GTF2IRD1: variants seen among roughly 807,000 people sequenced by gnomAD.
GTF2IRD1 encodes the protein GTF2I repeat domain containing 1.
GTF2IRD1 carries 26 observed loss-of-function variants against 113.2 expected under a neutral mutation model. That is an observed-to-expected ratio of 0.23 (90% CI 0.17 to 0.32). GTF2IRD1 has a LOEUF of 0.32. GTF2IRD1 is among the 10% of genes least tolerant of loss of function. The pLI, the probability that GTF2IRD1 is intolerant of heterozygous loss-of-function variation, is 1.00. For missense variants in GTF2IRD1, 864 were observed against 1,280.8 expected (o/e 0.67, Z 4.97); for synonymous variants, 484 against 529.1 (o/e 0.91, Z 1.17).
In GTF2IRD1 at chr7:74,602,135, G is replaced by T. The variant is rs192467078; in HGVS notation, c.2767-230G>T. 3.6e-4 allele frequency: 128 copies of T among 356,704 alleles called. 1 individual carries two copies. Among genetic ancestry groups the T allele is most frequent in the African/African-American group, 2.5e-3 (120 of 47,700 alleles). 22.1% of individuals were successfully genotyped at this position (356,704 alleles called of 1,614,324 possible). On this transcript the variant is annotated intron_variant, in intron 26 of 26. Transcript: ENST00000424337. ...CGGGCGCCTATAATCCCAGCTACTC[G>T]GGAGGCTGAGGCAGGAGACTCGCTT...
chr7:74,519,247 G>A lies in GTF2IRD1; in HGVS notation c.606-162G>A, dbSNP rs371945828. 3.9e-5 allele frequency among the ~76,000 whole-genome samples: 6 copies of A among 152,316 alleles called. No homozygotes were observed. The East Asian group carries it at 5.8e-4, about 15-fold the overall frequency. ...CTGGGCACACCATTCCCACCTCCGA[G>A]CCTGCATCCCCACTTGTGAAGTGGA... is the stretch of plus-strand genomic sequence containing the variant. On this transcript the variant is annotated intron_variant, in intron 5 of 26. Coordinates refer to ENST00000424337, the MANE Select transcript of GTF2IRD1 (RefSeq NM_005685.4).
intron 22 of GTF2IRD1, among the ~76,000 whole-genome samples, chr7:74,584,524 G>C (rs1237951482): frequency 2.0e-5 from 3 of 152,160 alleles, no homozygotes; most frequent in Non-Finnish European, 4.4e-5. Flanking sequence ...TTTTACATAA[G>C]ATAAAGTAAA....
intron 10 of GTF2IRD1, 120 bp downstream of exon 10, chr7:74,535,258 C>T: frequency 2.5e-6 from 2 of 794,798 alleles, no homozygotes; most frequent in South Asian, 2.8e-5. Context: ...GGGAGGGAGG[C>T]TGGGCTGTGG....
intron 1 of GTF2IRD1, among the ~76,000 whole-genome samples, chr7:74,471,797 T>G (rs782022065): frequency 7.4e-5 from 11 of 149,202 alleles, no homozygotes; most frequent in Non-Finnish European, 1.2e-4. Context: ...ATTGAGACCA[T>G]CCTGGCCAAT....
intron 1 of GTF2IRD1, among the ~76,000 whole-genome samples, chr7:74,479,391 G>A (rs1425647164): frequency 6.0e-5 from 6 of 99,952 alleles, no homozygotes; most frequent in East Asian, 3.3e-4. Context: ...GCTCAGGCCC[G>A]ACCAGGACAC....
At chr7:74,567,104 C>G (rs1461124318) in intron 22 of GTF2IRD1, among the ~76,000 whole-genome samples, 1 of 151,890 alleles carries the variant, frequency 6.6e-6, no homozygotes, top group Non-Finnish European at 1.5e-5. Flanking sequence ...CTGAGGCAGG[C>G]GGATCACAAG....
chr7:74,554,433 G>C lies in GTF2IRD1; in HGVS notation c.1917-741G>C, dbSNP rs587723438. 2.6e-5 allele frequency among the ~76,000 whole-genome samples: 4 copies of C among 152,300 alleles called. No individual in the cohort carries two copies. The South Asian group carries it at 6.2e-4, about 24-fold the overall frequency. On this transcript the variant is annotated intron_variant, in intron 17 of 26. Coordinates refer to ENST00000424337, the MANE Select transcript of GTF2IRD1 (RefSeq NM_005685.4). ...AATACAGAGCTGGGCTTGGTCACTGGTGCTTCCGACTGCAGTAACACAGCA... is the reference window on the plus strand; with the variant it reads ...AATACAGAGCTGGGCTTGGTCACTGCTGCTTCCGACTGCAGTAACACAGCA...
At chr7:74,455,280 G>A (rs2116830527) in intron 1 of GTF2IRD1, among the ~76,000 whole-genome samples, 1 of 152,356 alleles carries the variant, frequency 6.6e-6, no homozygotes. Context: ...GCGGGTGGGA[G>A]TGGAGGGCAG....
At chr7:74,547,836 C>T (rs1554353823) in intron 17 of GTF2IRD1, among the ~76,000 whole-genome samples, 2 of 150,814 alleles carry the variant, frequency 1.3e-5, no homozygotes, top group Non-Finnish European at 2.9e-5. Context: ...CTCCCCAGGC[C>T]TGCCAGACCC....
chr7:74,508,359 T>G (rs1796418561), intron 2 of GTF2IRD1, among the ~76,000 whole-genome samples, 156 bp downstream of exon 2: 1 of 152,054 alleles, frequency 6.6e-6, no homozygotes, highest in Non-Finnish European at 1.5e-5. Context: ...GCATCAAGGG[T>G]GTGAGATGTG....
At chr7:74,585,436 G>A (rs1801666894) in intron 22 of GTF2IRD1, among the ~76,000 whole-genome samples, 1 of 152,106 alleles carries the variant, frequency 6.6e-6, no homozygotes, top group African/African-American at 2.4e-5. Context: ...TGAGAGGCCT[G>A]CTAAGCTTCT....
intron 5 of GTF2IRD1, among the ~76,000 whole-genome samples, chr7:74,519,202 G>A (rs377157589): frequency 3.3e-5 from 5 of 152,186 alleles, no homozygotes; most frequent in African/African-American, 9.6e-5. Flanking sequence ...CAGGTCCTCC[G>A]GTGGCCTAGC....
At position 74,590,893 on chromosome 7, in the gene GTF2IRD1, G is replaced by A. The variant is rs1189889175; in HGVS notation, c.2467G>A (p.Val823Met). 8.7e-6 allele frequency: 14 copies of A among 1,613,464 alleles called. No individual in the cohort carries two copies. Among genetic ancestry groups the A allele is most frequent in the South Asian group, 3.3e-5 (3 of 91,062 alleles). Residue 823 changes from valine (V) to methionine (M), a missense_variant, in exon 24 of 27, where the codon GTG becomes ATG. Around this residue, in one of 7 missense-constraint regions of GTF2IRD1, gnomAD observed 195 missense variants for 359.1 expected, o/e 0.54. Coordinates refer to ENST00000424337, the MANE Select transcript of GTF2IRD1 (RefSeq NM_005685.4). Reference sequence around the variant, plus strand: ...ACTAATCCGGGACAGCCCAGACGCCGTGGAGGTCACGGGTCTGCCTGATGA... The same window carrying A: ...ACTAATCCGGGACAGCCCAGACGCCATGGAGGTCACGGGTCTGCCTGATGA... Reference protein sequence around the residue: ...YKLIRDSPDAVEVTGLPDDIP... With the variant: ...YKLIRDSPDAMEVTGLPDDIP...
intron 1 of GTF2IRD1, among the ~76,000 whole-genome samples, chr7:74,476,338 A>G (rs1373241974): frequency 7.0e-6 from 1 of 143,044 alleles, no homozygotes; most frequent in Non-Finnish European, 1.5e-5. Context: ...TGCCTCTTCC[A>G]CGCCCGCTTG....
At chr7:74,478,777 G>A (rs1488935109) in intron 1 of GTF2IRD1, among the ~76,000 whole-genome samples, 2 of 151,388 alleles carry the variant, frequency 1.3e-5, no homozygotes, top group African/African-American at 4.9e-5. Flanking sequence ...ATAGGGTCTT[G>A]CTGTATTGTC....
chr7:74,476,425 T>C (rs1277197556), intron 1 of GTF2IRD1, among the ~76,000 whole-genome samples: 1 of 135,410 alleles, frequency 7.4e-6, no homozygotes, highest in African/African-American at 2.8e-5. Flanking sequence ...AGTGCAGCGG[T>C]GCGATCTCGG....
intron 24 of GTF2IRD1, among the ~76,000 whole-genome samples, chr7:74,593,310 T>C (rs1330495627): frequency 1.3e-5 from 2 of 148,446 alleles, no homozygotes; most frequent in African/African-American, 5.0e-5. Flanking sequence ...GCGTGGTGGC[T>C]CACGCCTGTA....
At chr7:74,589,272 C>CT (rs1433522597) in intron 22 of GTF2IRD1, among the ~76,000 whole-genome samples, 1 of 151,998 alleles carries the variant, frequency 6.6e-6, no homozygotes, top group Admixed American at 6.6e-5. Flanking sequence ...GGGAGGATCA[C>CT]TTGAGCCTGG....
At chr7:74,551,634 G>A (rs1417768906) in intron 17 of GTF2IRD1, among the ~76,000 whole-genome samples, 2 of 152,006 alleles carry the variant, frequency 1.3e-5, no homozygotes, top group African/African-American at 4.8e-5. Flanking sequence ...GGCCAGCCAG[G>A]TGCATAAAGA....
Sources: allele counts gnomAD v4.1 joint callset (sites outside exome capture counted in the v4.1 genomes callset), GRCh38; gene constraint gnomAD v4.1.1; regional missense constraint gnomAD v4.1.1; transcripts MANE v1.5; gene names NCBI Gene and HGNC (gene_info 2026-07-23, HGNC 2026-07-21).